The following KIF26B variants were observed in gnomAD, a reference collection of about 807,000 sequenced individuals.
KIF26B encodes kinesin-like protein KIF26B.
KIF26B carries 63 observed loss-of-function variants against 151.2 expected under a neutral mutation model. The ratio of observed to expected loss-of-function variants is 0.42; its 90% confidence interval spans 0.34 to 0.51. The LOEUF (loss-of-function observed/expected upper bound fraction) is 0.51, where lower values mean the gene tolerates loss of function less well. Ranked by LOEUF, KIF26B falls within the 20% of genes least tolerant of loss-of-function variation. KIF26B has a pLI of 0.07. For missense variants in KIF26B, 2,813 were observed against 2,913.6 expected (o/e 0.97, Z 0.79); for synonymous variants, 1,357 against 1,262.1 (o/e 1.08, Z -1.59).
intron 4 of KIF26B, among the ~76,000 whole-genome samples, chr1:245,523,043 G>A (rs1211343518): frequency 6.6e-6 from 1 of 152,166 alleles, no homozygotes; most frequent in Non-Finnish European, 1.5e-5. Flanking sequence ...ACAATTCCAT[G>A]AGGCTAGCTA....
Position 245,516,775 on chromosome 1 carries a change from T to C in KIF26B, c.1167-23992T>C, listed in dbSNP as rs184244899. On this transcript the variant is annotated intron_variant, in intron 4 of 14. Transcript: ENST00000407071. The surrounding 1 kb of genome is among the most constrained non-coding windows in gnomAD (Gnocchi z 4.2). Reference sequence around the variant, plus strand: ...TAAGCTCCTTGCTTAAGTAATACGCTCCTTGACGGCCAAAACTGTCATTTG... The same window carrying C: ...TAAGCTCCTTGCTTAAGTAATACGCCCCTTGACGGCCAAAACTGTCATTTG... Among the ~76,000 whole-genome samples, 25 of 152,242 alleles carry C rather than the reference T, an allele frequency of 1.6e-4. No homozygotes were observed. Among genetic ancestry groups the C allele is most frequent in the Admixed American group, 5.2e-4 (8 of 15,306 alleles).
chr1:245,336,745 T>C (rs1477457076), intron 2 of KIF26B, among the ~76,000 whole-genome samples: 1 of 152,216 alleles, frequency 6.6e-6, no homozygotes, highest in Admixed American at 6.5e-5. Flanking sequence ...ACCCTATGAA[T>C]TCTTACCTTT....
In KIF26B at chr1:245,540,726, G is replaced by A. The variant is rs370277203; in HGVS notation, c.1167-41G>A. 1.5e-5 allele frequency: 23 copies of A among 1,553,956 alleles called. No individual in the cohort carries two copies. In the Middle Eastern group the frequency reaches 6.7e-4, roughly 45 times the overall value. ...CGAAGTAAGCCTAGCAGATCTGATCGTACAATCATTTTCCCCTTATTGTTC... is the reference window on the plus strand; with the variant it reads ...CGAAGTAAGCCTAGCAGATCTGATCATACAATCATTTTCCCCTTATTGTTC... On this transcript the variant is annotated intron_variant, in intron 4 of 14. Transcript: ENST00000407071. This position sits in a 1 kb window ranked among gnomAD's most constrained non-coding sequence, Gnocchi z 4.6.
chr1:245,514,024 A>C (rs1355252230), intron 4 of KIF26B, among the ~76,000 whole-genome samples: 2 of 152,112 alleles, frequency 1.3e-5, no homozygotes, highest in Non-Finnish European at 2.9e-5. Flanking sequence ...ACTGCGGGGG[A>C]GAAACATGTA....
At chr1:245,164,025 C>T (rs1668574556) in intron 2 of KIF26B, among the ~76,000 whole-genome samples, 1 of 152,126 alleles carries the variant, frequency 6.6e-6, no homozygotes. Flanking sequence ...CACAATGTTA[C>T]ATAATAGCGA....
chr1:245,325,799 A>G lies in KIF26B; in HGVS notation c.466-41035A>G, dbSNP rs545533597. On this transcript the variant is annotated intron_variant, in intron 2 of 14. Coordinates refer to ENST00000407071, the MANE Select transcript of KIF26B (RefSeq NM_018012.4). ...TCAATTCAATCCAATGAATCCTGGGACAGCATTTGGTGTGCCAGGTAGAGC... is the reference window on the plus strand; with the variant it reads ...TCAATTCAATCCAATGAATCCTGGGGCAGCATTTGGTGTGCCAGGTAGAGC... Among the ~76,000 whole-genome samples the G allele has an allele frequency of 2.6e-5, 4 of 152,174 alleles. No individual in the cohort carries two copies. In the East Asian group the frequency reaches 7.7e-4, roughly 29 times the overall value.
At position 245,249,255 on chromosome 1, in the gene KIF26B, C is replaced by A. The variant is rs111936159; in HGVS notation, c.465+92572C>A. 4.7e-3 allele frequency among the ~76,000 whole-genome samples: 713 copies of A among 152,030 alleles called. 2 individuals carry two copies. The highest frequency in any genetic ancestry group is 0.017 in the African/African-American group (689 of 41,450). On this transcript the variant is annotated intron_variant, in intron 2 of 14. Coordinates refer to ENST00000407071, the MANE Select transcript of KIF26B (RefSeq NM_018012.4). ...GGGATTACAGGTGTGTGCCACCATG[C>A]CTGGCTAATTTTTTGTATATTTTTT...
intron 2 of KIF26B, among the ~76,000 whole-genome samples, chr1:245,175,204 C>T (rs1251821047): frequency 6.6e-6 from 1 of 152,132 alleles, no homozygotes; most frequent in South Asian, 2.1e-4. Flanking sequence ...AGCATAGTGA[C>T]CCAGAGGTGA....
At chr1:245,517,730 T>C (rs1043794104) in intron 4 of KIF26B, among the ~76,000 whole-genome samples, 5 of 152,098 alleles carry the variant, frequency 3.3e-5, no homozygotes, top group African/African-American at 9.7e-5. Context: ...ATAATTCTGC[T>C]TCGGAGGGAA....
At chr1:245,613,541 T>A (rs2043551349) in intron 9 of KIF26B, among the ~76,000 whole-genome samples, 1 of 152,188 alleles carries the variant, frequency 6.6e-6, no homozygotes. Context: ...GAGGTTGCAG[T>A]GAGCCCAGAT....
At chr1:245,250,458 C>T (rs181520366) in intron 2 of KIF26B, among the ~76,000 whole-genome samples, 51 of 152,250 alleles carry the variant, frequency 3.3e-4, no homozygotes, top group Non-Finnish European at 5.4e-4. Context: ...CTGTTACAAG[C>T]GGTGCTATAA....
intron 2 of KIF26B, among the ~76,000 whole-genome samples, chr1:245,158,869 TG>T (rs58056668): frequency 0.81 from 116,480 of 144,404 alleles, 46,396 homozygotes; most frequent in Middle Eastern, 0.88. Context: ...TGTGTGTGTG[TG>T]GTGTGTGTTT....
intron 9 of KIF26B, among the ~76,000 whole-genome samples, chr1:245,632,210 G>A (rs559169488): frequency 1.6e-3 from 251 of 152,134 alleles, no homozygotes; most frequent in African/African-American, 2.2e-3. Flanking sequence ...GTTGTATCCC[G>A]TAGGTTTAGG....
rs140070424 is a variant in KIF26B, at chr1:245,357,456, A to G, written c.466-9378A>G. Among the ~76,000 whole-genome samples, 48 of 152,334 alleles carry G rather than the reference A, an allele frequency of 3.2e-4. 1 individual carries two copies. The South Asian group carries it at 6.6e-3, about 21-fold the overall frequency. ...AGTGAAGGGAGACATCCCTTCTGGGAGTCAGACTTCGCGGAAGAGCGGGGC... is the reference window on the plus strand; with the variant it reads ...AGTGAAGGGAGACATCCCTTCTGGGGGTCAGACTTCGCGGAAGAGCGGGGC... On this transcript the variant is annotated intron_variant, in intron 2 of 14. Transcript: ENST00000407071.
rs964604060 is a variant in KIF26B at position 245,707,700 on chromosome 1, C to G, written c.*5094C>G. The G allele has an allele frequency of 2.0e-5, 3 of 152,184 alleles. No individual in the cohort carries two copies. The highest frequency in any genetic ancestry group is 4.4e-5 in the Non-Finnish European group (3 of 68,040). 9.4% of individuals were successfully genotyped at this position (152,184 alleles called of 1,614,324 possible). A position where few individuals can be genotyped will look rare whatever the true frequency, so the allele number is the denominator to read the frequency against. ...AGAATAGGGATTAGGGTCCAATCCTCAATGCACAGGGCTTAGTTCAAAATC... is the reference window on the plus strand; with the variant it reads ...AGAATAGGGATTAGGGTCCAATCCTGAATGCACAGGGCTTAGTTCAAAATC... On this transcript the variant is annotated 3_prime_UTR_variant, in exon 15 of 15. Coordinates refer to ENST00000407071, the MANE Select transcript of KIF26B (RefSeq NM_018012.4).
chr1:245,687,843 C>G lies in KIF26B; in HGVS notation c.4860C>G (p.Gly1620=), dbSNP rs756415434. Residue 1620 remains glycine, a synonymous_variant, in exon 12 of 15, where the codon GGC becomes GGG. Transcript: ENST00000407071. This position sits in a 1 kb window ranked among gnomAD's most constrained non-coding sequence, Gnocchi z 4.9. ...CCAGCCCTCAGCACAGTGCCAGCGGCAGCGGCACCAGCAGCCCCCTGAACC... is the reference window on the plus strand; with the variant it reads ...CCAGCCCTCAGCACAGTGCCAGCGGGAGCGGCACCAGCAGCCCCCTGAACC... The part of the protein sequence containing the change: ...NRASPQHSAS[G]SGTSSPLNQP... 4.4e-6 allele frequency: 7 copies of G among 1,593,390 alleles called. No individual in the cohort carries two copies. In the Admixed American group the frequency reaches 8.7e-5, roughly 20 times the overall value.
At chr1:245,629,735 A>G (rs1010250151) in intron 9 of KIF26B, among the ~76,000 whole-genome samples, 1 of 152,214 alleles carries the variant, frequency 6.6e-6, no homozygotes, top group African/African-American at 2.4e-5. Context: ...AAAAGCCACA[A>G]TTGACAAATG....
intron 5 of KIF26B, among the ~76,000 whole-genome samples, chr1:245,552,135 GT>G (rs1661899507): frequency 7.2e-6 from 1 of 139,270 alleles, no homozygotes; most frequent in African/African-American, 3.2e-5. Context: ...GTGTGTGTGT[GT>G]GTGTGTGTGT....
chr1:245,408,630 C>A (rs1400876699), intron 3 of KIF26B, among the ~76,000 whole-genome samples: 1 of 152,142 alleles, frequency 6.6e-6, no homozygotes, highest in African/African-American at 2.4e-5. Flanking sequence ...GTTGGAATTA[C>A]CAGCGTGAGC....
Sources: gnomAD v4.1 joint callset for allele counts (sites outside exome capture counted in the v4.1 genomes callset) on GRCh38, gnomAD v4.1.1 for gene constraint, Gnocchi (gnomAD v3.1) non-coding constraint, MANE v1.5 for transcripts, NCBI Gene and HGNC (gene_info 2026-07-23, HGNC 2026-07-21) for gene names.